ACOT12: variants seen among roughly 807,000 people sequenced by gnomAD.
ACOT12 encodes the protein acyl-CoA thioesterase 12.
Under a neutral mutation model 67.7 loss-of-function variants are expected in ACOT12, and 51 were observed. The ratio of observed to expected loss-of-function variants is 0.75; its 90% CI spans 0.60 to 0.95. ACOT12 has a LOEUF of 0.95. ACOT12 is among the 40% of genes least tolerant of loss of function. The pLI is 0.00. For missense variants in ACOT12, 734 were observed against 708.1 expected, an observed-to-expected ratio of 1.04 and a Z score of -0.41; for synonymous variants, 251 against 244.6, an observed-to-expected ratio of 1.03 and a Z score of -0.24.
chr5:81,314,728 G>T, the ACOT12 span, among the ~76,000 whole-genome samples: 7 of 152,136 alleles, frequency 4.6e-5, no homozygotes, highest in Non-Finnish European at 8.8e-5. Flanking sequence ...ATTATAATGG[G>T]GCTGAATAAT....
In ACOT12 at chr5:81,345,922, C is replaced by A. The variant is rs1759365230; in HGVS notation, c.736G>T (p.Val246Phe). Reference protein sequence around the residue: ...RGPSTVGDRLVFTAIVNNTFQ... With the variant: ...RGPSTVGDRLFFTAIVNNTFQ... Reference sequence around the variant, plus strand: ...GTATTGTTGACAATGGCAGTGAAGACAAGACGATCTCCAACTGTAGATGGT... The same window carrying A: ...GTATTGTTGACAATGGCAGTGAAGAAAAGACGATCTCCAACTGTAGATGGT... The change falls in exon 7 of 15, where the codon GTC becomes TTC. Residue 246 changes from valine (V) to phenylalanine (F), a missense_variant. By Grantham distance (50) the Val-to-Phe change is conservative. Coordinates refer to ENST00000307624, the MANE Select transcript of ACOT12 (RefSeq NM_130767.3). The A allele has an allele frequency of 6.2e-7, 1 of 1,613,876 alleles. No individual in the cohort carries two copies. Among genetic ancestry groups the A allele is most frequent in the African/African-American group, 1.3e-5 (1 of 74,898 alleles).
At chr5:81,315,634 G>C in the ACOT12 span, among the ~76,000 whole-genome samples, 4 of 152,304 alleles carry the variant, frequency 2.6e-5, no homozygotes, top group South Asian at 8.3e-4. Flanking sequence ...TCTTAGATTG[G>C]ATAATCAAGA....
chr5:81,341,686 A>G (rs1251114358), intron 11 of ACOT12, among the ~76,000 whole-genome samples: 2 of 152,280 alleles, frequency 1.3e-5, no homozygotes, highest in East Asian at 3.9e-4. Flanking sequence ...CAGGGAGCTT[A>G]CAGTCTAGTT....
downstream of ACOT12, among the ~76,000 whole-genome samples, chr5:81,329,137 C>T (rs977973656): frequency 5.3e-5 from 8 of 152,154 alleles, no homozygotes; most frequent in East Asian, 9.6e-4. Flanking sequence ...ACAATGTTTC[C>T]GTTACTGTTC....
chr5:81,371,954 G>T, intron 2 of ACOT12, 144 bp from the exon 3 acceptor site: 1 of 694,822 alleles, frequency 1.4e-6, no homozygotes, highest in East Asian at 2.6e-5. Flanking sequence ...TCAGGTTAAT[G>T]ATAATGGAAA....
intron 5 of ACOT12, among the ~76,000 whole-genome samples, chr5:81,352,263 C>A (rs902940916): frequency 6.6e-6 from 1 of 152,074 alleles, no homozygotes; most frequent in Non-Finnish European, 1.5e-5. Flanking sequence ...GGGTATACAC[C>A]CAAAAGAAAG....
the ACOT12 span, among the ~76,000 whole-genome samples, chr5:81,322,757 T>C: frequency 1.6e-4 from 24 of 152,108 alleles, no homozygotes; most frequent in African/African-American, 5.3e-4. Context: ...AAAATCATGG[T>C]GGAAGGCAAA....
the ACOT12 span, among the ~76,000 whole-genome samples, chr5:81,316,202 C>A: frequency 6.6e-6 from 1 of 152,182 alleles, no homozygotes; most frequent in African/African-American, 2.4e-5. Context: ...TTAAAGTGTA[C>A]AACTAACTGG....
the ACOT12 span, among the ~76,000 whole-genome samples, chr5:81,315,718 C>T: frequency 6.6e-6 from 1 of 151,966 alleles, no homozygotes; most frequent in African/African-American, 2.4e-5. Context: ...AGCCAAAACC[C>T]CTAAAGAGAG....
intron 5 of ACOT12, among the ~76,000 whole-genome samples, chr5:81,356,327 C>T (rs1353734442): frequency 1.3e-5 from 2 of 152,160 alleles, no homozygotes; most frequent in Non-Finnish European, 2.9e-5. Context: ...TGTAACTCTG[C>T]TGCCTTGGCG....
Position 81,330,134 on chromosome 5 carries a change from C to G in ACOT12, c.*260G>C, listed in dbSNP as rs568408310. ...TTTATAGAACACATAGTACTGCATA[C>G]AGGCAATTTTCCACTATCTGTGCCC... On this transcript the variant is annotated 3_prime_UTR_variant, in exon 15 of 15. Transcript: ENST00000307624. 4.1e-5 allele frequency: 14 copies of G among 339,552 alleles called. No homozygotes were observed. The East Asian group carries it at 6.3e-4, about 15-fold the overall frequency. The allele number at this position is 339,552 out of a possible 1,614,324, so 21.0% of individuals were successfully genotyped here. A position where few individuals can be genotyped will look rare whatever the true frequency, so the allele number is the denominator to read the frequency against.
chr5:81,309,186 G>A, the ACOT12 span: 7 of 548,022 alleles, frequency 1.3e-5, no homozygotes, highest in Admixed American at 2.3e-4. Flanking sequence ...GCTATCATAT[G>A]TACTAGGCTT....
Position 81,389,028 on chromosome 5 carries a change from G to T in ACOT12, c.128-3202C>A, listed in dbSNP as rs542340399. Among the ~76,000 whole-genome samples the T allele has an allele frequency of 6.2e-4, 95 of 152,282 alleles. 2 individuals carry two copies. The South Asian group carries it at 6.4e-3, about 10-fold the overall frequency. On this transcript the variant is annotated intron_variant, in intron 1 of 14. Coordinates refer to ENST00000307624, the MANE Select transcript of ACOT12 (RefSeq NM_130767.3). ...TCTCTTTTTCTTTATAAATTACCCA[G>T]TCTCAGATATGTCTTTATCAGCAGC...
intron 3 of ACOT12, among the ~76,000 whole-genome samples, chr5:81,366,747 T>G (rs1164927028): frequency 6.6e-6 from 1 of 151,738 alleles, no homozygotes; most frequent in African/African-American, 2.4e-5. Context: ...ATACAACATC[T>G]GAAATAAAAA....
the ACOT12 span, among the ~76,000 whole-genome samples, chr5:81,310,567 T>C: frequency 6.6e-6 from 1 of 152,232 alleles, no homozygotes; most frequent in Non-Finnish European, 1.5e-5. Context: ...AGATAATGCT[T>C]GACCATTAAG....
At chr5:81,333,363 C>T (rs1171569702) in intron 12 of ACOT12, among the ~76,000 whole-genome samples, 2 of 152,184 alleles carry the variant, frequency 1.3e-5, no homozygotes, top group African/African-American at 4.8e-5. Flanking sequence ...TTTCTTTTGA[C>T]TCCCAGATTG....
intron 4 of ACOT12, among the ~76,000 whole-genome samples, chr5:81,362,497 A>G (rs1759946053): frequency 6.6e-6 from 1 of 151,972 alleles, no homozygotes; most frequent in Non-Finnish European, 1.5e-5. Flanking sequence ...CACGTCCATG[A>G]AGTTGGAGGG....
At chr5:81,356,648 A>G (rs141770034) in intron 5 of ACOT12, among the ~76,000 whole-genome samples, 242 of 152,098 alleles carry the variant, frequency 1.6e-3, no homozygotes, top group African/African-American at 5.7e-3. Context: ...CCTCAGATCC[A>G]TGATCTCAGT....
chr5:81,380,757 A>C (rs150639350), intron 2 of ACOT12, among the ~76,000 whole-genome samples: 1 of 152,292 alleles, frequency 6.6e-6, no homozygotes, highest in African/African-American at 2.4e-5. Flanking sequence ...TACTATGTAG[A>C]TACTAAAAGG....
Sources: allele counts gnomAD v4.1 joint callset (sites outside exome capture counted in the v4.1 genomes callset), GRCh38; gene constraint gnomAD v4.1.1; transcripts MANE v1.5; gene names NCBI Gene and HGNC (gene_info 2026-07-23, HGNC 2026-07-21).